LMF1: variants seen among roughly 807,000 people sequenced by gnomAD.
LMF1 encodes transmembrane protein 112.
Under a neutral mutation model 60.6 loss-of-function variants are expected in LMF1, and 68 were observed. The ratio of observed to expected loss-of-function variants is 1.12; its 90% CI spans 0.92 to 1.37. The LOEUF (loss-of-function observed/expected upper bound fraction) is 1.37. Among genes scored for constraint, LMF1 ranks in the 40% most tolerant of loss-of-function variants. The pLI is 0.00. For missense variants in LMF1, 948 were observed against 767.2 expected, an observed-to-expected ratio of 1.24 and a Z score of -2.78; for synonymous variants, 418 against 324.7, an observed-to-expected ratio of 1.29 and a Z score of -3.09.
At chr16:945,249 C>T (rs569774719) in intron 2 of LMF1, among the ~76,000 whole-genome samples, 17 of 141,694 alleles carry the variant, frequency 1.2e-4, no homozygotes, top group African/African-American at 2.8e-4. Context: ...TGGCTGGGCA[C>T]GGTGGCTCAT....
upstream of LMF1, chr16:975,829 CCGGGGAGGTCAGGGCCTGGG>C (rs1264166247): frequency 2.4e-5 from 11 of 454,020 alleles, no homozygotes; most frequent in Non-Finnish European, 4.4e-5. Flanking sequence ...TCCATCCTGG[CCGGGGAGGTCAGGGCCTGGG>C]CGGCCAGGGC....
intron 4 of LMF1, among the ~76,000 whole-genome samples, chr16:898,482 C>T (rs940609236): frequency 6.6e-6 from 1 of 152,244 alleles, no homozygotes; most frequent in Admixed American, 6.5e-5. Context: ...TGCTCCTTCC[C>T]CCGGCTCTGG....
At chr16:979,662 C>T in intron 1 of LMF1, 1 of 454,138 alleles carries the variant, frequency 2.2e-6, no homozygotes. Flanking sequence ...GCCACCCTGC[C>T]TGCTCGCAGA....
chr16:934,991 G>A (rs979228748), intron 2 of LMF1, among the ~76,000 whole-genome samples: 1 of 152,248 alleles, frequency 6.6e-6, no homozygotes, highest in Non-Finnish European at 1.5e-5. Flanking sequence ...GGTGCTCAGT[G>A]CCACACCTGA....
At chr16:906,991 T>G (rs562816832) in intron 4 of LMF1, among the ~76,000 whole-genome samples, 1 of 152,314 alleles carries the variant, frequency 6.6e-6, no homozygotes, top group South Asian at 2.1e-4. Context: ...TGTGCTATCT[T>G]TCGAGGCATA....
chr16:974,649 A>ACAGC (rs1204596109), upstream of LMF1, among the ~76,000 whole-genome samples: 1 of 152,172 alleles, frequency 6.6e-6, no homozygotes, highest in African/African-American at 2.4e-5. Flanking sequence ...CTGCGCCAGC[A>ACAGC]CAGCCCCCAG....
rs8055732 is a variant in LMF1, at chr16:894,669, C to G, written c.664-1597G>C. ...GAGGCGATGGCTGTGGTGGGTGTAG[C>G]ATGGTGGGCTCTGGGGCAGCCGCAC... On this transcript the variant is annotated intron_variant, in intron 4 of 10. Transcript: ENST00000262301. Among the ~76,000 whole-genome samples, 306 of 152,316 alleles carry G rather than the reference C, an allele frequency of 2.0e-3. 1 individual carries two copies. Among genetic ancestry groups the G allele is most frequent in the African/African-American group, 7.0e-3 (290 of 41,574 alleles).
intron 10 of LMF1, among the ~76,000 whole-genome samples, chr16:859,165 G>A (rs1276412745): frequency 3.0e-5 from 4 of 134,242 alleles, no homozygotes; most frequent in Non-Finnish European, 4.6e-5. Flanking sequence ...GTGGTGTCTC[G>A]GGACGGGTGT....
chr16:885,768 T>C (rs1462579532), intron 5 of LMF1, among the ~76,000 whole-genome samples: 1 of 152,236 alleles, frequency 6.6e-6, no homozygotes, highest in Non-Finnish European at 1.5e-5. Flanking sequence ...GAGAAATCCA[T>C]AATTATAGTT....
At position 964,219 on chromosome 16, in the gene LMF1, T is replaced by C. The variant is rs141461309; in HGVS notation, c.193+6569A>G. 1,433 of 436,800 alleles carry C rather than the reference T, an allele frequency of 3.3e-3. 23 individuals carry two copies. Among genetic ancestry groups the C allele is most frequent in the African/African-American group, 0.027 (1,299 of 47,886 alleles). 27.1% of individuals were successfully genotyped at this position (436,800 alleles called of 1,614,324 possible). A position where few individuals can be genotyped will look rare whatever the true frequency, so the allele number is the denominator to read the frequency against. On this transcript the variant is annotated intron_variant, in intron 1 of 10. Coordinates refer to ENST00000262301, the MANE Select transcript of LMF1 (RefSeq NM_022773.4). ...GCTGAGGCAGGAGAATCTCTTGAAA[T>C]CGGAAGGCGGAGGTTGTAGTGAGAG...
upstream of LMF1, among the ~76,000 whole-genome samples, chr16:975,203 T>C (rs996281977): frequency 1.3e-5 from 2 of 152,154 alleles, no homozygotes; most frequent in African/African-American, 4.8e-5. Context: ...CAGAAGGAGA[T>C]GCGGCTCCAT....
intron 2 of LMF1, among the ~76,000 whole-genome samples, chr16:946,382 G>A (rs1022650457): frequency 6.6e-6 from 1 of 152,190 alleles, no homozygotes; most frequent in Non-Finnish European, 1.5e-5. Context: ...AAGCAGGAGT[G>A]GAAGCCAGAA....
In LMF1 at chr16:855,826, CTG is replaced by C. The variant is rs1208148986; in HGVS notation, c.1530-1122_1530-1121del. ...GGGCTGCTGTCATTATTTGGGGCTT[CTG>C]GTGACCTGCACACAGCTGTGCTCTG... On this transcript the variant is annotated intron_variant, in intron 10 of 10. Coordinates refer to ENST00000262301, the MANE Select transcript of LMF1 (RefSeq NM_022773.4). The C allele has an allele frequency of 6.6e-6, 3 of 455,930 alleles. No individual in the cohort carries two copies. The East Asian group carries it at 2.1e-4, about 32-fold the overall frequency. The allele number at this position is 455,930 out of a possible 1,614,324, so 28.2% of individuals were successfully genotyped here.
At chr16:860,311 A>G (rs1410628447) in intron 10 of LMF1, among the ~76,000 whole-genome samples, 1 of 151,172 alleles carries the variant, frequency 6.6e-6, no homozygotes, top group Admixed American at 6.6e-5. Flanking sequence ...CTGGCCCTAG[A>G]TCCCAAAGAT....
intron 3 of LMF1, among the ~76,000 whole-genome samples, chr16:930,082 C>A (rs78894715): frequency 3.7e-5 from 3 of 81,946 alleles, no homozygotes; most frequent in Non-Finnish European, 6.3e-5. Context: ...TCACGTCCGT[C>A]TGAACGGGGG....
rs566050830 is a variant in LMF1, at chr16:908,542, G to T, written c.663+2389C>A. On this transcript the variant is annotated intron_variant, in intron 4 of 10. Transcript: ENST00000262301. ...CAGAGATGGGAAGGCCCTGGCCCTT[G>T]ACAAGCCCTGGGGGCCTGCTCGTGC... 4.5e-4 allele frequency among the ~76,000 whole-genome samples: 68 copies of T among 152,332 alleles called. 2 individuals are homozygous for T. The South Asian group carries it at 0.012, about 26-fold the overall frequency.
rs1162123415 is a variant in LMF1 at position 856,013 on chromosome 16, G to A, written c.1530-1307C>T. 8.8e-6 allele frequency: 4 copies of A among 455,204 alleles called. 1 individual carries two copies. In the Admixed American group the frequency reaches 9.4e-5, roughly 11 times the overall value. The allele number at this position is 455,204 out of a possible 1,614,324, so 28.2% of individuals were successfully genotyped here. A position where few individuals can be genotyped will look rare whatever the true frequency, so the allele number is the denominator to read the frequency against. On this transcript the variant is annotated intron_variant, in intron 10 of 10. Transcript: ENST00000262301. ...AGTCTGAATTACGCCAGGAAAACCGGGAAGACAGAGACCCTCTGGGTGGAG... is the reference window on the plus strand; with the variant it reads ...AGTCTGAATTACGCCAGGAAAACCGAGAAGACAGAGACCCTCTGGGTGGAG...
intron 4 of LMF1, among the ~76,000 whole-genome samples, chr16:910,276 G>A (rs929488504): frequency 1.2e-4 from 18 of 152,230 alleles, no homozygotes; most frequent in African/African-American, 4.3e-4. Flanking sequence ...CAGATGAGCA[G>A]CCCCTGGCTG....
chr16:885,337 C>T (rs550795762), intron 5 of LMF1, among the ~76,000 whole-genome samples: 1 of 152,242 alleles, frequency 6.6e-6, no homozygotes, highest in South Asian at 2.1e-4. Flanking sequence ...GAACAGAGAA[C>T]ACATGGGAGG....
Sources: gnomAD v4.1 joint callset for allele counts (sites outside exome capture counted in the v4.1 genomes callset) on GRCh38, gnomAD v4.1.1 for gene constraint, MANE v1.5 for transcripts, NCBI Gene and HGNC (gene_info 2026-07-23, HGNC 2026-07-21) for gene names.